LINGO2: variants seen among roughly 807,000 people sequenced by gnomAD.
LINGO2 encodes leucine-rich repeat and immunoglobulin-like domain-containing nogo receptor-interacting protein 2.
In LINGO2, 14 loss-of-function variants were observed where a neutral mutation model predicts 30.6. The ratio of observed to expected loss-of-function variants is 0.46; its 90% CI spans 0.30 to 0.72. The LOEUF (loss-of-function observed/expected upper bound fraction) is 0.72. LINGO2 is among the 30% of genes least tolerant of loss of function. The pLI, the probability that LINGO2 is intolerant of heterozygous loss-of-function variation, is 0.07. For missense variants in LINGO2, 729 were observed against 751.7 expected (o/e 0.97, Z 0.35); for synonymous variants, 317 against 288.5 (o/e 1.10, Z -1.00).
chr9:28,144,443 T>C (rs530204037), intron 4 of LINGO2, among the ~76,000 whole-genome samples: 179 of 152,214 alleles, frequency 1.2e-3, no homozygotes, highest in Non-Finnish European at 2.0e-3. Context: ...TAAAAAGTAC[T>C]AGTGAGGTGC....
chr9:28,824,480 T>G, the LINGO2 span, among the ~76,000 whole-genome samples: 5 of 152,166 alleles, frequency 3.3e-5, 1 homozygote, highest in Non-Finnish European at 7.4e-5. Context: ...TTTACTGAGT[T>G]TTGTACCAGA....
At chr9:29,108,640 A>G in the LINGO2 span, among the ~76,000 whole-genome samples, 2 of 152,232 alleles carry the variant, frequency 1.3e-5, no homozygotes, top group Admixed American at 6.5e-5. Flanking sequence ...CCCTAAGCAG[A>G]TATCAGCTGA....
At chr9:28,792,008 A>T in the LINGO2 span, among the ~76,000 whole-genome samples, 1 of 151,476 alleles carries the variant, frequency 6.6e-6, no homozygotes, top group Non-Finnish European at 1.5e-5. Context: ...TGGTATATAC[A>T]CTGATATATA....
chr9:28,694,239 T>C, the LINGO2 span, among the ~76,000 whole-genome samples: 172 of 152,026 alleles, frequency 1.1e-3, no homozygotes, highest in Admixed American at 6.6e-3. Context: ...ATTAATCTAA[T>C]ATATTAAAAT....
At chr9:29,108,244 A>C in the LINGO2 span, among the ~76,000 whole-genome samples, 1 of 152,182 alleles carries the variant, frequency 6.6e-6, no homozygotes, top group Non-Finnish European at 1.5e-5. Context: ...TAAACAAGAG[A>C]TACATCTCAG....
At chr9:28,658,509 A>T (rs62550184) in intron 1 of LINGO2, among the ~76,000 whole-genome samples, 8,679 of 152,086 alleles carry the variant, frequency 0.057, 405 homozygotes, top group Admixed American at 0.18. Flanking sequence ...TTTAACCTTT[A>T]ACAATTTTTT....
At chr9:29,049,445 G>A in the LINGO2 span, among the ~76,000 whole-genome samples, 1 of 152,150 alleles carries the variant, frequency 6.6e-6, no homozygotes, top group South Asian at 2.1e-4. Context: ...CAATCCCACT[G>A]CTGGGTATAT....
the LINGO2 span, among the ~76,000 whole-genome samples, chr9:28,878,899 A>C: frequency 6.6e-6 from 1 of 152,120 alleles, no homozygotes; most frequent in African/African-American, 2.4e-5. Flanking sequence ...ATGGGCAAAA[A>C]CTGGAAGCAT....
chr9:28,752,777 G>C, the LINGO2 span, among the ~76,000 whole-genome samples: 1 of 152,018 alleles, frequency 6.6e-6, no homozygotes, highest in Middle Eastern at 3.4e-3. Context: ...GATTGTTTGG[G>C]CTTTATACAG....
intron 5 of LINGO2, among the ~76,000 whole-genome samples, chr9:27,970,097 T>C (rs1320871564): frequency 6.6e-6 from 1 of 152,226 alleles, no homozygotes; most frequent in Non-Finnish European, 1.5e-5. Flanking sequence ...GGTACATTTG[T>C]ATCTGCTCTG....
chr9:28,838,776 C>G, the LINGO2 span, among the ~76,000 whole-genome samples: 1 of 152,206 alleles, frequency 6.6e-6, no homozygotes, highest in Non-Finnish European at 1.5e-5. Flanking sequence ...GCTCATTCTG[C>G]CCACTTGGCG....
intron 2 of LINGO2, among the ~76,000 whole-genome samples, chr9:28,428,582 A>G (rs958912955): frequency 5.3e-5 from 8 of 151,840 alleles, no homozygotes; most frequent in Non-Finnish European, 1.2e-4. Flanking sequence ...GTTTTCAGTC[A>G]TTGACCTCAA....
intron 1 of LINGO2, among the ~76,000 whole-genome samples, chr9:28,549,977 C>G (rs148956127): frequency 5.1e-4 from 77 of 151,848 alleles, no homozygotes; most frequent in African/African-American, 1.8e-3. Context: ...TCACAACATC[C>G]TGTTGTTAAT....
At chr9:28,066,536 G>T (rs1393127388) in intron 4 of LINGO2, among the ~76,000 whole-genome samples, 1 of 152,024 alleles carries the variant, frequency 6.6e-6, no homozygotes, top group East Asian at 1.9e-4. Context: ...AGGAGAATAG[G>T]AATTCTTATG....
the LINGO2 span, among the ~76,000 whole-genome samples, chr9:28,809,185 T>C: frequency 6.6e-6 from 1 of 152,226 alleles, no homozygotes; most frequent in East Asian, 1.9e-4. Context: ...GAGAACAGTA[T>C]TCACTAAAAG....
intron 1 of LINGO2, among the ~76,000 whole-genome samples, chr9:28,608,622 T>C: frequency 6.6e-6 from 1 of 151,996 alleles, no homozygotes; most frequent in East Asian, 1.9e-4. Context: ...CTTGGTGAGC[T>C]GCTTCTTAGA....
At chr9:27,944,879 G>A (rs531049161), downstream of LINGO2, among the ~76,000 whole-genome samples, 3 of 152,192 alleles carry the variant, frequency 2.0e-5, no homozygotes, top group African/African-American at 7.2e-5. Context: ...GTATAAAAAG[G>A]ACTTCAGTGA....
the LINGO2 span, among the ~76,000 whole-genome samples, chr9:28,936,393 AG>A: frequency 6.6e-6 from 1 of 152,204 alleles, no homozygotes; most frequent in Non-Finnish European, 1.5e-5. Context: ...GTGATGATAA[AG>A]ATATTCCTGA....
chr9:28,309,695 T>G (rs1824531525), intron 3 of LINGO2, among the ~76,000 whole-genome samples: 1 of 151,980 alleles, frequency 6.6e-6, no homozygotes, highest in African/African-American at 2.4e-5. Flanking sequence ...AAAACGTTTT[T>G]GCATTGTGAA....
Sources: allele counts gnomAD v4.1 joint callset (sites outside exome capture counted in the v4.1 genomes callset), GRCh38; gene constraint gnomAD v4.1.1; transcripts MANE v1.5; gene names NCBI Gene and HGNC (gene_info 2026-07-23, HGNC 2026-07-21).